Variants in PRPSAP2 observed in about 807,000 individuals in gnomAD.
PRPSAP2 encodes phosphoribosyl pyrophosphate synthetase associated protein 2, also known as phosphoribosyl pyrophosphate synthase-associated protein 2.
PRPSAP2 carries 24 observed loss-of-function variants against 40.6 expected under a neutral mutation model. That is an observed-to-expected ratio of 0.59 (90% CI 0.43 to 0.83). The LOEUF (loss-of-function observed/expected upper bound fraction) is 0.83. PRPSAP2 is among the 40% of genes least tolerant of loss of function. The probability of loss-of-function intolerance (pLI) is 0.00; values close to 1 mark genes in which losing one functional copy is unlikely to be tolerated. For missense variants in PRPSAP2, 292 were observed against 465.6 expected (o/e 0.63, Z 3.43); for synonymous variants, 149 against 164.7 (o/e 0.90, Z 0.73).
chr17:18,876,523 A>G (rs1324921924), intron 5 of PRPSAP2, among the ~76,000 whole-genome samples: 1 of 152,232 alleles, frequency 6.6e-6, no homozygotes, highest in African/African-American at 2.4e-5. Flanking sequence ...AATGTCTACA[A>G]TATGTGAATT....
At chr17:18,871,737 C>T (rs576725361) in intron 4 of PRPSAP2, among the ~76,000 whole-genome samples, 85 of 151,422 alleles carry the variant, frequency 5.6e-4, no homozygotes, top group African/African-American at 1.9e-3. Context: ...CTCGGCTCAC[C>T]GCAACCTCCG....
At chr17:18,876,471 G>A (rs1205223233) in intron 5 of PRPSAP2, among the ~76,000 whole-genome samples, 1 of 152,132 alleles carries the variant, frequency 6.6e-6, no homozygotes, top group Non-Finnish European at 1.5e-5. Context: ...AATGTTCTGT[G>A]TTTCCATTCA....
At chr17:18,880,824 T>C (rs1474346449) in intron 6 of PRPSAP2, among the ~76,000 whole-genome samples, 1 of 152,092 alleles carries the variant, frequency 6.6e-6, no homozygotes, top group Non-Finnish European at 1.5e-5. Flanking sequence ...TGCTATATTA[T>C]GACTATTTTT....
Position 18,867,266 on chromosome 17 carries a change from CCT to C in PRPSAP2, c.120-15_120-14del, listed in dbSNP as rs761701832. The stretch of plus-strand genomic sequence containing the variant: ...TCTATTACTTTTTCAGCTTTTTCCC[CCT>C]TTCTCTTCTCTAGGCGGCTAGGGGT... On this transcript the variant is annotated splice_polypyrimidine_tract_variant and intron_variant, in intron 3 of 11. Coordinates refer to ENST00000268835, the MANE Select transcript of PRPSAP2 (RefSeq NM_002767.4). 9.9e-6 allele frequency: 16 copies of C among 1,613,280 alleles called. No homozygotes were observed. The highest frequency in any genetic ancestry group is 1.3e-5 in the African/African-American group (1 of 74,822).
At chr17:18,925,977 C>A (rs2041948680) in intron 10 of PRPSAP2, among the ~76,000 whole-genome samples, 1 of 151,952 alleles carries the variant, frequency 6.6e-6, no homozygotes, top group African/African-American at 2.4e-5. Context: ...TAGTGGTGGG[C>A]TCCTGTAGTC....
intron 8 of PRPSAP2, among the ~76,000 whole-genome samples, chr17:18,902,989 C>T (rs796567645): frequency 3.1e-4 from 47 of 152,004 alleles, no homozygotes; most frequent in Middle Eastern, 3.4e-3. Flanking sequence ...CCAGTGCAGG[C>T]AGGGCTGTGT....
chr17:18,865,899 G>T lies in PRPSAP2; in HGVS notation c.66G>T (p.Leu22Phe). The T allele has an allele frequency of 6.5e-7, 1 of 1,542,370 alleles. No individual in the cohort carries two copies. Residue 22 changes from leucine to phenylalanine, a missense_variant, in exon 3 of 12, where the codon TTG becomes TTT. By Grantham distance (22) the Leu-to-Phe change is conservative. This residue lies in a region of PRPSAP2 where 51 missense variants were observed against 40.0 expected (regional missense o/e 1.28). Transcript: ENST00000268835. ...KMNITKGGLV[L>F]FSANSNSSCM... ...ACATAACCAAAGGTGGTCTGGTGTT[G>T]TTTTCAGCAAACTCGAATTCATCAT...
chr17:18,867,286 C>T lies in PRPSAP2; in HGVS notation c.124C>T (p.Leu42=). 1 of 1,613,920 alleles carries T rather than the reference C, an allele frequency of 6.2e-7. No homozygotes were observed. The highest frequency in any genetic ancestry group is 1.3e-5 in the African/African-American group (1 of 74,966). ...TTCCCCCTTTCTCTTCTCTAGGCGG[C>T]TAGGGGTGGAGATGGGCAAAGTGCA... The part of the protein sequence containing the change: ...MELSKKIAER[L]GVEMGKVQVY... The change falls in exon 4 of 12, where the codon CTA becomes TTA. Residue 42 remains leucine (L), a synonymous_variant. Transcript: ENST00000268835.
At chr17:18,884,054 A>C (rs1471437880) in intron 7 of PRPSAP2, among the ~76,000 whole-genome samples, 4 of 151,970 alleles carry the variant, frequency 2.6e-5, no homozygotes, top group African/African-American at 9.7e-5. Context: ...GGATCACTTG[A>C]GGTCAGGAGT....
At chr17:18,870,406 A>G (rs186671268) in intron 4 of PRPSAP2, among the ~76,000 whole-genome samples, 3 of 152,082 alleles carry the variant, frequency 2.0e-5, no homozygotes, top group Admixed American at 1.3e-4. Context: ...CCAAAAAAAG[A>G]AAAAAAATGT....
intron 8 of PRPSAP2, among the ~76,000 whole-genome samples, chr17:18,890,305 G>A (rs567174783): frequency 5.7e-4 from 87 of 152,162 alleles, no homozygotes; most frequent in African/African-American, 2.1e-3. Flanking sequence ...AAGTAGCTGG[G>A]ATTACAGGCG....
chr17:18,900,777 G>T (rs977333734), intron 8 of PRPSAP2, among the ~76,000 whole-genome samples: 1 of 152,116 alleles, frequency 6.6e-6, no homozygotes, highest in African/African-American at 2.4e-5. Flanking sequence ...CATGTCCTCC[G>T]CTGACGCCAA....
intron 7 of PRPSAP2, among the ~76,000 whole-genome samples, chr17:18,887,346 G>A (rs988287230): frequency 6.6e-5 from 10 of 151,716 alleles, no homozygotes; most frequent in African/African-American, 1.9e-4. Context: ...ACAATTCTCC[G>A]GCCTCAACCT....
intron 10 of PRPSAP2, among the ~76,000 whole-genome samples, chr17:18,924,993 A>G (rs2041895914): frequency 1.3e-5 from 2 of 151,828 alleles, no homozygotes; most frequent in Admixed American, 1.3e-4. Context: ...GTTGGCGCAC[A>G]CCTGTAATCC....
At chr17:18,905,642 C>T (rs563597158) in intron 8 of PRPSAP2, among the ~76,000 whole-genome samples, 2 of 151,480 alleles carry the variant, frequency 1.3e-5, no homozygotes, top group African/African-American at 4.9e-5. Flanking sequence ...TGCAATGGTG[C>T]GATCTCGGCT....
At chr17:18,878,899 T>C (rs990630815) in intron 6 of PRPSAP2, among the ~76,000 whole-genome samples, 1 of 151,216 alleles carries the variant, frequency 6.6e-6, no homozygotes, top group Non-Finnish European at 1.5e-5. Flanking sequence ...AGACGGAGTC[T>C]TGCTCCGTTG....
chr17:18,908,643 C>T (rs895722281), intron 8 of PRPSAP2: 6 of 720,312 alleles, frequency 8.3e-6, no homozygotes, highest in Middle Eastern at 3.6e-4. Flanking sequence ...ACACCCACGC[C>T]GACTTCGCCA....
chr17:18,870,102 C>G (rs1342290558), intron 4 of PRPSAP2, among the ~76,000 whole-genome samples: 1 of 152,036 alleles, frequency 6.6e-6, no homozygotes, highest in Admixed American at 6.6e-5. Flanking sequence ...TCCACCTCAG[C>G]CTCCCAAACT....
At chr17:18,893,445 C>T (rs2039706644) in intron 8 of PRPSAP2, among the ~76,000 whole-genome samples, 1 of 152,092 alleles carries the variant, frequency 6.6e-6, no homozygotes, top group Middle Eastern at 3.4e-3. Flanking sequence ...ATTGCCTCTG[C>T]TTCTGATGTC....
Sources: allele counts gnomAD v4.1 joint callset (sites outside exome capture counted in the v4.1 genomes callset), GRCh38; gene constraint gnomAD v4.1.1; regional missense constraint gnomAD v4.1.1; transcripts MANE v1.5; gene names NCBI Gene and HGNC (gene_info 2026-07-23, HGNC 2026-07-21).